Variants in ACLY observed in about 807,000 individuals in gnomAD.
ACLY encodes the protein ATP-citrate synthase.
Under a neutral mutation model 133.0 loss-of-function variants are expected in ACLY, and 41 were observed. The ratio of observed to expected loss-of-function variants is 0.31; its 90% confidence interval spans 0.24 to 0.40. The LOEUF is 0.40. ACLY is among the 10% of genes least tolerant of loss of function. The probability of loss-of-function intolerance (pLI) is 1.00; values close to 1 mark genes in which losing one functional copy is unlikely to be tolerated. For missense variants in ACLY, 1,046 were observed against 1,453.8 expected, an observed-to-expected ratio of 0.72 and a Z score of 4.56; for synonymous variants, 495 against 549.3, an observed-to-expected ratio of 0.90 and a Z score of 1.38.
chr17:41,873,414 C>T (rs1274585466), intron 23 of ACLY, among the ~76,000 whole-genome samples: 2 of 152,130 alleles, frequency 1.3e-5, no homozygotes, highest in African/African-American at 4.8e-5. Flanking sequence ...TTCCTGACCT[C>T]AGGTGATCCA....
At chr17:41,868,625 A>G in intron 28 of ACLY, 84 bp downstream of exon 28, 1 of 853,666 alleles carries the variant, frequency 1.2e-6, no homozygotes, top group Non-Finnish European at 1.7e-6. Context: ...AGAAAGAAAA[A>G]GAAACTCAAC....
Position 41,918,911 on chromosome 17 carries a change from C to T in ACLY, c.-55G>A, listed in dbSNP as rs1555634959. 1 of 1,288,916 alleles carries T rather than the reference C, an allele frequency of 7.8e-7. No homozygotes were observed. The highest frequency in any genetic ancestry group is 2.3e-5 in the Admixed American group (1 of 43,484). 79.8% of individuals were successfully genotyped at this position (1,288,916 alleles called of 1,614,324 possible). A position where few individuals can be genotyped will look rare whatever the true frequency, so the allele number is the denominator to read the frequency against. ...CGAAGTCCGTGCGCGGCGCTTCTTC[C>T]ACAGGCCCGACGAACCCCGCAAAAT... On this transcript the variant is annotated 5_prime_UTR_variant, in exon 1 of 29. Coordinates refer to ENST00000352035, the MANE Select transcript of ACLY (RefSeq NM_001096.3).
intron 13 of ACLY, among the ~76,000 whole-genome samples, chr17:41,897,263 G>A (rs1417523026): frequency 2.6e-5 from 4 of 152,096 alleles, no homozygotes; most frequent in African/African-American, 7.2e-5. Flanking sequence ...AATACAGATG[G>A]GCTGACAGGC....
intron 8 of ACLY, among the ~76,000 whole-genome samples, chr17:41,905,900 T>C (rs2049701151): frequency 6.6e-6 from 1 of 152,138 alleles, no homozygotes; most frequent in Non-Finnish European, 1.5e-5. Context: ...GGACAGACAA[T>C]GGCAGGTAAA....
At chr17:41,882,097 G>C (rs1555627419) in intron 20 of ACLY, among the ~76,000 whole-genome samples, 1 of 151,968 alleles carries the variant, frequency 6.6e-6, no homozygotes, top group Non-Finnish European at 1.5e-5. Flanking sequence ...GGCCAGGCAT[G>C]GTGGCTCACG....
intron 20 of ACLY, among the ~76,000 whole-genome samples, chr17:41,880,823 A>G (rs1597983549): frequency 6.6e-6 from 1 of 151,854 alleles, no homozygotes; most frequent in South Asian, 2.1e-4. Context: ...CCGAGACTGC[A>G]CCACTGCACT....
intron 3 of ACLY, among the ~76,000 whole-genome samples, chr17:41,911,529 A>C (rs1429617612): frequency 7.9e-5 from 12 of 152,240 alleles, no homozygotes; most frequent in Non-Finnish European, 1.5e-4. Context: ...GAAGTTAATA[A>C]TTGAATTTGG....
rs1293846108 is a variant in ACLY, at chr17:41,895,450, C to T, written c.1459+1170G>A. Among the ~76,000 whole-genome samples the T allele has an allele frequency of 2.6e-5, 4 of 152,182 alleles. No individual in the cohort carries two copies. The East Asian group carries it at 7.7e-4, about 29-fold the overall frequency. The stretch of plus-strand genomic sequence containing the variant: ...GCTGAAGGGTGTATCCTCAGCCCAC[C>T]AGCAGCAGAGAGGCTCCAGAGAGAA... On this transcript the variant is annotated intron_variant, in intron 14 of 28. Transcript: ENST00000352035.
At chr17:41,925,434 CAAAAA>C (rs34698648) in intron 1 of ACLY, among the ~76,000 whole-genome samples, 2 of 111,044 alleles carry the variant, frequency 1.8e-5, no homozygotes, top group Non-Finnish European at 3.7e-5. Context: ...CCTTCTCTAC[CAAAAA>C]AAAAAAAAAA....
chr17:41,894,989 T>C (rs2049325853), intron 14 of ACLY, among the ~76,000 whole-genome samples: 1 of 152,186 alleles, frequency 6.6e-6, no homozygotes, highest in Non-Finnish European at 1.5e-5. Flanking sequence ...AGAAGGTTCC[T>C]GATGTTGCAA....
intron 13 of ACLY, among the ~76,000 whole-genome samples, chr17:41,896,882 G>T (rs1193033946): frequency 1.3e-5 from 2 of 152,222 alleles, no homozygotes; most frequent in African/African-American, 4.8e-5. Context: ...CAGAGAGGGG[G>T]CAGGAGGAGG....
chr17:41,906,699 C>T lies in ACLY; in HGVS notation c.748-53G>A, dbSNP rs1346138989. Reference sequence around the variant, plus strand: ...CCTTGGGGTACCCCCTTTACCAGGTCCCAGATCCTAGGACCCCTCCCCGCT... The same window carrying T: ...CCTTGGGGTACCCCCTTTACCAGGTTCCAGATCCTAGGACCCCTCCCCGCT... On this transcript the variant is annotated intron_variant, in intron 7 of 28. Transcript: ENST00000352035. 3 of 1,528,002 alleles carry T rather than the reference C, an allele frequency of 2.0e-6. No individual in the cohort carries two copies. In the South Asian group the frequency reaches 3.4e-5, roughly 17 times the overall value. 94.7% of individuals were successfully genotyped at this position (1,528,002 alleles called of 1,614,324 possible). A position where few individuals can be genotyped will look rare whatever the true frequency, so the allele number is the denominator to read the frequency against.
At chr17:41,896,486 C>T in intron 14 of ACLY, 134 bp downstream of exon 14, 1 of 780,680 alleles carries the variant, frequency 1.3e-6, no homozygotes, top group Non-Finnish European at 2.0e-6. Context: ...GGTCAGGCCA[C>T]ATCAAGGCAG....
intron 6 of ACLY, 56 bp downstream of exon 6, chr17:41,908,933 G>A (rs1025138361): frequency 7.1e-7 from 1 of 1,414,416 alleles, no homozygotes; most frequent in Admixed American, 1.7e-5. Context: ...GCCAAGGCCA[G>A]GGCTGTCATA....
Position 41,906,533 on chromosome 17 carries a change from C to T in ACLY, c.861G>A (p.Val287=). 6.2e-7 allele frequency: 1 copy of T among 1,614,044 alleles called. No individual in the cohort carries two copies. Among genetic ancestry groups the T allele is most frequent in the Admixed American group, 1.7e-5 (1 of 60,014 alleles). Residue 287 remains valine (V), a synonymous_variant, in exon 8 of 29, where the codon GTG becomes GTA. Transcript: ENST00000352035. The stretch of plus-strand genomic sequence containing the variant: ...CAGCAACCCCCTTCGGTCACCTGTA[C>T]ACGACAGAGGCGCCACCCCCGGCCA... ...TMVAGGGASV[V]YSDTICDLGG... is the part of the protein sequence containing the mutation.
intron 13 of ACLY, 108 bp downstream of exon 13, chr17:41,897,641 C>T (rs1439315572): frequency 9.3e-7 from 1 of 1,071,520 alleles, no homozygotes; most frequent in Non-Finnish European, 1.3e-6. Context: ...ACCCAAACCG[C>T]TGTTCATCTG....
At chr17:41,906,957 A>G (rs1213785479) in intron 7 of ACLY, among the ~76,000 whole-genome samples, 1 of 152,054 alleles carries the variant, frequency 6.6e-6, no homozygotes, top group Non-Finnish European at 1.5e-5. Flanking sequence ...CCCTCACCCC[A>G]GCATCTGCCT....
chr17:41,908,721 G>A (rs2144391604), intron 6 of ACLY, among the ~76,000 whole-genome samples: 1 of 152,334 alleles, frequency 6.6e-6, no homozygotes, highest in Admixed American at 6.5e-5. Flanking sequence ...CTGAGATTGT[G>A]CCACTGTACT....
In ACLY at chr17:41,913,888, C is replaced by T. The variant is rs2049976435; in HGVS notation, c.-15G>A. The T allele has an allele frequency of 6.2e-7, 1 of 1,613,974 alleles. No homozygotes were observed. Among genetic ancestry groups the T allele is most frequent in the Non-Finnish European group, 8.5e-7 (1 of 1,179,968 alleles). On this transcript the variant is annotated 5_prime_UTR_variant, in exon 2 of 29. Transcript: ENST00000352035. ...TTGGCCGACATGGCTGCAGAGAGAC[C>T]TGCTCTACCTGTCTGGGAGAGAGAA...
Sources: gnomAD v4.1 joint callset for allele counts (sites outside exome capture counted in the v4.1 genomes callset) on GRCh38, gnomAD v4.1.1 for gene constraint, MANE v1.5 for transcripts, NCBI Gene and HGNC (gene_info 2026-07-23, HGNC 2026-07-21) for gene names.